The following CSMD1 variants were observed in gnomAD, a reference collection of about 807,000 sequenced individuals.
The protein encoded by CSMD1 is CUB and Sushi multiple domains 1, also known as CUB and sushi domain-containing protein 1.
A neutral mutation model predicts 417.5 loss-of-function variants in CSMD1; 213 were observed. That is an observed-to-expected ratio of 0.51 (90% CI 0.46 to 0.57). The LOEUF (loss-of-function observed/expected upper bound fraction) is 0.57, where lower values mean the gene tolerates loss of function less well. Among genes scored for constraint, CSMD1 ranks in the 20% least tolerant of loss-of-function variants. The pLI is 0.00. For missense variants in CSMD1, 6,923 were observed against 4,529.7 expected (o/e 1.53, Z -15.17); for synonymous variants, 2,862 against 1,736.8 (o/e 1.65, Z -16.11).
At chr8:3,318,446 C>G in intron 23 of CSMD1, among the ~76,000 whole-genome samples, 1 of 152,186 alleles carries the variant, frequency 6.6e-6, no homozygotes, top group East Asian at 1.9e-4. Flanking sequence ...ACAAAATTAA[C>G]TGACCTCAGT....
chr8:4,118,390 TAAAG>T (rs554983513), intron 3 of CSMD1, among the ~76,000 whole-genome samples: 85 of 139,594 alleles, frequency 6.1e-4, no homozygotes, highest in Non-Finnish European at 1.1e-3. Flanking sequence ...ACAAAGAACT[TAAAG>T]AAATTTACAA....
chr8:4,385,774 G>A (rs1428866738), intron 3 of CSMD1, among the ~76,000 whole-genome samples: 3 of 152,100 alleles, frequency 2.0e-5, no homozygotes, highest in African/African-American at 7.2e-5. Context: ...CGATTGTAAT[G>A]GTTGTTTGTA....
At position 3,106,660 on chromosome 8, in the gene CSMD1, C is replaced by T; in HGVS notation, c.6836-19G>A. The stretch of plus-strand genomic sequence containing the variant: ...AAATCTCCTAGAAGAGTCAATGCAA[C>T]AAACCAGGAAATTGTGTGTGACCTT... On this transcript the variant is annotated intron_variant, in intron 45 of 69. Coordinates refer to ENST00000635120, the MANE Select transcript of CSMD1 (RefSeq NM_033225.6). The T allele has an allele frequency of 6.6e-7, 1 of 1,514,930 alleles. No homozygotes were observed. The highest frequency in any genetic ancestry group is 1.7e-5 in the Admixed American group (1 of 58,984). 93.8% of individuals were successfully genotyped at this position (1,514,930 alleles called of 1,614,324 possible). A position where few individuals can be genotyped will look rare whatever the true frequency, so the allele number is the denominator to read the frequency against.
At chr8:4,138,133 T>C (rs902302677) in intron 3 of CSMD1, among the ~76,000 whole-genome samples, 1 of 136,574 alleles carries the variant, frequency 7.3e-6, no homozygotes, top group Non-Finnish European at 1.5e-5. Flanking sequence ...CCCAGGATGG[T>C]CTCAATCTCC....
intron 52 of CSMD1, among the ~76,000 whole-genome samples, chr8:3,013,334 T>A (rs925760226): frequency 6.6e-6 from 1 of 152,224 alleles, no homozygotes. Context: ...CCGTCAGGGC[T>A]GGCACTGATA....
chr8:4,861,430 C>G (rs539455324), intron 1 of CSMD1, among the ~76,000 whole-genome samples: 1 of 152,046 alleles, frequency 6.6e-6, no homozygotes, highest in East Asian at 1.9e-4. Context: ...GTGAAGAAAG[C>G]GACCAGAGTT....
chr8:4,960,661 A>C (rs1809415090), intron 1 of CSMD1, among the ~76,000 whole-genome samples: 1 of 152,082 alleles, frequency 6.6e-6, no homozygotes, highest in African/African-American at 2.4e-5. Flanking sequence ...ATGTACATCC[A>C]TTCATACGTA....
chr8:3,518,228 T>C (rs1797361902), intron 10 of CSMD1, among the ~76,000 whole-genome samples: 1 of 152,200 alleles, frequency 6.6e-6, no homozygotes, highest in Non-Finnish European at 1.5e-5. Context: ...CTTTTTGTAG[T>C]TTTAATTTTC....
chr8:3,121,357 G>C (rs1397287693), intron 41 of CSMD1, among the ~76,000 whole-genome samples: 1 of 152,102 alleles, frequency 6.6e-6, no homozygotes, highest in Non-Finnish European at 1.5e-5. Context: ...CAGAGACGCA[G>C]CAGAAAAATG....
At chr8:4,374,376 A>C (rs1802584944) in intron 3 of CSMD1, among the ~76,000 whole-genome samples, 1 of 152,170 alleles carries the variant, frequency 6.6e-6, no homozygotes, top group South Asian at 2.1e-4. Flanking sequence ...AGGGGATATC[A>C]GTAATAATAA....
At position 2,975,536 on chromosome 8, in the gene CSMD1, G is replaced by C. The variant is rs143786634; in HGVS notation, c.8567-912C>G. Among the ~76,000 whole-genome samples the C allele has an allele frequency of 1.2e-3, 187 of 152,252 alleles. 2 individuals carry two copies. In the Middle Eastern group the frequency reaches 0.014, roughly 11 times the overall value. ...CGCCTGGAAGCCATGGCCATCCCCT[G>C]AGTCATATCAGCCGTCACTTTCTGT... On this transcript the variant is annotated intron_variant, in intron 55 of 69. Coordinates refer to ENST00000635120, the MANE Select transcript of CSMD1 (RefSeq NM_033225.6).
At chr8:4,582,070 T>C (rs911946706) in intron 2 of CSMD1, among the ~76,000 whole-genome samples, 2 of 148,798 alleles carry the variant, frequency 1.3e-5, no homozygotes, top group East Asian at 3.9e-4. Context: ...GTTCCGAGCC[T>C]CTTTTTTTTT....
intron 26 of CSMD1, among the ~76,000 whole-genome samples, chr8:3,259,242 A>T (rs1424210423): frequency 2.0e-5 from 3 of 152,208 alleles, no homozygotes. Context: ...AAAATTAATA[A>T]CCTGATTACA....
intron 6 of CSMD1, 69 bp from the exon 7 acceptor site, chr8:3,708,560 C>T (rs928609804): frequency 3.1e-6 from 4 of 1,306,618 alleles, no homozygotes; most frequent in Non-Finnish European, 4.4e-6. Flanking sequence ...TGTATCCACA[C>T]AGCACTTCCA....
chr8:4,851,104 C>G (rs1360049063), intron 1 of CSMD1, among the ~76,000 whole-genome samples: 1 of 123,748 alleles, frequency 8.1e-6, no homozygotes, highest in Admixed American at 9.2e-5. Context: ...CCCCCCTCCC[C>G]ACACCCCACA....
At chr8:4,174,106 G>A (rs1345389780) in intron 3 of CSMD1, among the ~76,000 whole-genome samples, 1 of 152,134 alleles carries the variant, frequency 6.6e-6, no homozygotes, top group Non-Finnish European at 1.5e-5. Flanking sequence ...CTCACAGAGT[G>A]GAGGGTAGGG....
intron 1 of CSMD1, among the ~76,000 whole-genome samples, chr8:4,878,310 A>C (rs1803177121): frequency 6.6e-6 from 1 of 151,992 alleles, no homozygotes; most frequent in Admixed American, 6.6e-5. Flanking sequence ...GGCAATTAGA[A>C]CTCATCTTTC....
chr8:4,064,703 G>A (rs1799154350), intron 3 of CSMD1, among the ~76,000 whole-genome samples: 1 of 152,140 alleles, frequency 6.6e-6, no homozygotes, highest in Non-Finnish European at 1.5e-5. Flanking sequence ...TGGCGTGTTG[G>A]TCACCCCCAG....
intron 6 of CSMD1, among the ~76,000 whole-genome samples, chr8:3,720,887 C>G (rs1412510800): frequency 6.6e-6 from 1 of 152,056 alleles, no homozygotes; most frequent in Non-Finnish European, 1.5e-5. Flanking sequence ...TCTCGGCTCA[C>G]TGCATGCAAC....
Sources: allele counts gnomAD v4.1 joint callset (sites outside exome capture counted in the v4.1 genomes callset), GRCh38; gene constraint gnomAD v4.1.1; transcripts MANE v1.5; gene names NCBI Gene and HGNC (gene_info 2026-07-23, HGNC 2026-07-21).